Variants in SORCS3 observed in about 807,000 individuals in gnomAD.
SORCS3 encodes sortilin related VPS10 domain containing receptor 3.
SORCS3 carries 57 observed loss-of-function variants against 146.3 expected under a neutral mutation model. The observed-to-expected ratio is 0.39, with a 90% CI of 0.31 to 0.49. The LOEUF is 0.49. SORCS3 is among the 20% of genes least tolerant of loss of function. The pLI, the probability that SORCS3 is intolerant of heterozygous loss-of-function variation, is 0.92. For missense variants in SORCS3, 1,341 were observed against 1,575.5 expected (o/e 0.85, Z 2.52); for synonymous variants, 653 against 618.5 (o/e 1.06, Z -0.83).
At chr10:105,177,977 A>G in intron 13 of SORCS3, 89 bp from the exon 14 acceptor site, 1 of 917,712 alleles carries the variant, frequency 1.1e-6, no homozygotes. Context: ...AGCAAGATAC[A>G]GAGGAAAATT....
chr10:105,193,108 A>C (rs2056525780), intron 14 of SORCS3, among the ~76,000 whole-genome samples: 1 of 152,104 alleles, frequency 6.6e-6, no homozygotes, highest in Admixed American at 6.6e-5. Flanking sequence ...CCTCAAATTA[A>C]TTACTCCCCT....
intron 7 of SORCS3, among the ~76,000 whole-genome samples, chr10:105,120,562 C>G (rs1487083074): frequency 6.6e-6 from 1 of 152,098 alleles, no homozygotes; most frequent in Non-Finnish European, 1.5e-5. Context: ...AATCTCCTTG[C>G]TCCATTCAGA....
At chr10:104,982,174 A>G (rs1400875743) in intron 4 of SORCS3, among the ~76,000 whole-genome samples, 5 of 152,184 alleles carry the variant, frequency 3.3e-5, no homozygotes, top group Non-Finnish European at 7.3e-5. Flanking sequence ...GGTAGCTGGC[A>G]ACACAGGACC....
intron 7 of SORCS3, among the ~76,000 whole-genome samples, chr10:105,105,828 A>G (rs1342008208): frequency 3.9e-5 from 6 of 152,196 alleles, no homozygotes; most frequent in Non-Finnish European, 8.8e-5. Context: ...TCAAAGCCAC[A>G]TTCTATTTCT....
chr10:105,236,091 G>T (rs1473377322), intron 20 of SORCS3, among the ~76,000 whole-genome samples: 1 of 152,042 alleles, frequency 6.6e-6, no homozygotes, highest in Non-Finnish European at 1.5e-5. Flanking sequence ...TTTCAAATTA[G>T]TTTCTCCGTA....
chr10:104,971,626 C>A (rs73351604), intron 3 of SORCS3, among the ~76,000 whole-genome samples: 9,006 of 152,092 alleles, frequency 0.059, 264 homozygotes, highest in African/African-American at 0.074. Context: ...AAATCTGTGA[C>A]TGAGACTCAG....
chr10:104,828,867 A>G (rs1472888646), intron 1 of SORCS3, among the ~76,000 whole-genome samples: 2 of 152,094 alleles, frequency 1.3e-5, no homozygotes, highest in African/African-American at 4.8e-5. Context: ...GACATTCTCA[A>G]AGTTATTTCA....
chr10:105,145,219 T>C (rs1019119128), intron 8 of SORCS3, among the ~76,000 whole-genome samples: 7 of 152,186 alleles, frequency 4.6e-5, no homozygotes, highest in African/African-American at 1.7e-4. Context: ...GAAGTTAGCT[T>C]CTTGGTTAAG....
chr10:104,751,161 A>G (rs1005703334), intron 1 of SORCS3, among the ~76,000 whole-genome samples: 7 of 152,244 alleles, frequency 4.6e-5, no homozygotes, highest in African/African-American at 1.7e-4. Context: ...GCAGTATGAG[A>G]TTGTGGAATT....
chr10:105,140,522 C>A (rs2056087764), intron 8 of SORCS3, among the ~76,000 whole-genome samples: 1 of 152,068 alleles, frequency 6.6e-6, no homozygotes, highest in African/African-American at 2.4e-5. Flanking sequence ...TACAGAAGTT[C>A]AAGGGCCATC....
intron 2 of SORCS3, among the ~76,000 whole-genome samples, chr10:104,886,275 T>C (rs1217695984): frequency 6.6e-6 from 1 of 152,206 alleles, no homozygotes; most frequent in Non-Finnish European, 1.5e-5. Context: ...CCAAATCTAT[T>C]TGCATTCCTT....
intron 1 of SORCS3, among the ~76,000 whole-genome samples, chr10:104,745,668 T>G (rs2016900622): frequency 6.6e-6 from 1 of 152,214 alleles, no homozygotes. Flanking sequence ...TGCTGCGCTG[T>G]CCATCTCTAG....
intron 1 of SORCS3, among the ~76,000 whole-genome samples, chr10:104,727,862 C>T (rs559625242): frequency 6.6e-5 from 10 of 152,164 alleles, no homozygotes; most frequent in Non-Finnish European, 1.5e-4. Context: ...TAGGTTGCAT[C>T]CTTCTTATGA....
chr10:105,078,066 G>C (rs1393517205), intron 5 of SORCS3, among the ~76,000 whole-genome samples: 1 of 152,206 alleles, frequency 6.6e-6, no homozygotes, highest in African/African-American at 2.4e-5. Context: ...ACAGATGACT[G>C]TGTTTGACAG....
At chr10:104,890,013 T>C (rs1265565119) in intron 2 of SORCS3, among the ~76,000 whole-genome samples, 1 of 152,216 alleles carries the variant, frequency 6.6e-6, no homozygotes, top group East Asian at 1.9e-4. Context: ...TTTCTTATCA[T>C]TTACATTGTT....
chr10:105,245,868 C>T (rs2119733376), intron 21 of SORCS3, among the ~76,000 whole-genome samples: 1 of 152,294 alleles, frequency 6.6e-6, no homozygotes. Context: ...TTTGTTGTCC[C>T]CTGTGTTATG....
At chr10:104,649,552 A>G (rs2015534443) in intron 1 of SORCS3, among the ~76,000 whole-genome samples, 1 of 152,226 alleles carries the variant, frequency 6.6e-6, no homozygotes, top group Non-Finnish European at 1.5e-5. Flanking sequence ...CAGTGAGCTG[A>G]TGGCAAGGCC....
At chr10:104,709,102 C>T (rs1289436438) in intron 1 of SORCS3, among the ~76,000 whole-genome samples, 1 of 152,216 alleles carries the variant, frequency 6.6e-6, no homozygotes, top group African/African-American at 2.4e-5. Flanking sequence ...TCTCCAGCCT[C>T]ACACTCCCTG....
chr10:104,927,925 G>C (rs1264628836), intron 3 of SORCS3, among the ~76,000 whole-genome samples: 2 of 151,706 alleles, frequency 1.3e-5, no homozygotes. Context: ...AAGAGTGAAT[G>C]CAGCACCAAG....
Sources: gnomAD v4.1 joint callset for allele counts (sites outside exome capture counted in the v4.1 genomes callset) on GRCh38, gnomAD v4.1.1 for gene constraint, MANE v1.5 for transcripts, NCBI Gene and HGNC (gene_info 2026-07-23, HGNC 2026-07-21) for gene names.